Variants in POU6F2 observed in about 807,000 individuals in gnomAD.
POU6F2 encodes the protein POU domain, class 6, transcription factor 2.
In POU6F2, 31 loss-of-function variants were observed where a neutral mutation model predicts 71.3. That is an observed-to-expected ratio of 0.43 (90% confidence interval 0.33 to 0.59). POU6F2 has a LOEUF of 0.59. Ranked by LOEUF, POU6F2 falls within the 20% of genes least tolerant of loss-of-function variation. The pLI is 0.04. For synonymous variants in POU6F2, 347 were observed against 355.7 expected, an observed-to-expected ratio of 0.98 and a Z score of 0.27; for missense variants, 783 against 856.8, an observed-to-expected ratio of 0.91 and a Z score of 1.07.
At chr7:39,447,718 G>T (rs888462330) in intron 7 of POU6F2, among the ~76,000 whole-genome samples, 3 of 152,150 alleles carry the variant, frequency 2.0e-5, no homozygotes, top group African/African-American at 7.2e-5. Context: ...CTCCAGGAAG[G>T]AAAGGAAAGA....
At chr7:39,443,222 A>C (rs2237381) in intron 7 of POU6F2, among the ~76,000 whole-genome samples, 52,890 of 152,066 alleles carry the variant, frequency 0.35, 10,443 homozygotes, top group East Asian at 0.58. Flanking sequence ...CTGGAAAAAA[A>C]AGCCAGCTTC....
chr7:39,460,694 A>T lies in POU6F2; in HGVS notation c.1637A>T (p.Tyr546Phe). 1 of 1,604,392 alleles carries T rather than the reference A, an allele frequency of 6.2e-7. No individual in the cohort carries two copies. The highest frequency in any genetic ancestry group is 8.5e-7 in the Non-Finnish European group (1 of 1,175,144). Residue 546 changes from tyrosine (Y) to phenylalanine (F), a missense_variant, in exon 9 of 10, where the codon TAC (tyrosine) becomes TTC (phenylalanine). By Grantham distance (22) the Tyr-to-Phe change is conservative. Transcript: ENST00000518318. The surrounding 1 kb of genome is among the most constrained non-coding windows in gnomAD (Gnocchi z 4.4). ...CTCAGTGCTACAGAGGGCCCCGCGT[A>T]CAGCCAGTCGGCCATCTGCAGGTAA... ...QALSATEGPA[Y>F]SQSAICRHTI...
At chr7:39,409,794 C>T (rs746555711) in intron 6 of POU6F2, among the ~76,000 whole-genome samples, 12 of 152,206 alleles carry the variant, frequency 7.9e-5, no homozygotes, top group Non-Finnish European at 1.5e-4. Context: ...GGCAGTTTTG[C>T]TTCCCTATCT....
intron 1 of POU6F2, among the ~76,000 whole-genome samples, chr7:39,025,539 T>A (rs1470967321): frequency 1.3e-5 from 2 of 152,080 alleles, no homozygotes; most frequent in Non-Finnish European, 2.9e-5. Context: ...GAAAACTGGC[T>A]AGCCATATGT....
intron 4 of POU6F2, among the ~76,000 whole-genome samples, chr7:39,331,034 G>T (rs1785637935): frequency 2.0e-5 from 3 of 152,276 alleles, no homozygotes; most frequent in South Asian, 4.1e-4. Context: ...TGTGGTATTT[G>T]TCTTTTTGTG....
intron 5 of POU6F2, among the ~76,000 whole-genome samples, chr7:39,366,524 CTG>C (rs1452958492): frequency 3.3e-5 from 5 of 152,118 alleles, no homozygotes; most frequent in African/African-American, 1.2e-4. Context: ...AGCTTCTAAA[CTG>C]TGGTCTTCAA....
chr7:39,310,070 A>G lies in POU6F2; in HGVS notation c.599-29572A>G, dbSNP rs564681432. The stretch of plus-strand genomic sequence containing the variant: ...AAAAGCCTGCCGTAACCCCGCAAGA[A>G]GGCAAAGTTAAGGTTACTATTGGAG... On this transcript the variant is annotated intron_variant, in intron 4 of 9. Transcript: ENST00000518318. 4.6e-5 allele frequency among the ~76,000 whole-genome samples: 7 copies of G among 152,298 alleles called. No homozygotes were observed. The South Asian group carries it at 6.2e-4, about 14-fold the overall frequency.
chr7:39,441,266 TAC>T (rs902314550), intron 7 of POU6F2, among the ~76,000 whole-genome samples: 2 of 151,608 alleles, frequency 1.3e-5, no homozygotes, highest in African/African-American at 4.9e-5. Flanking sequence ...CTGATAGCAC[TAC>T]AGAGGTTGAA....
At chr7:39,002,899 T>G (rs1280745348) in intron 1 of POU6F2, among the ~76,000 whole-genome samples, 1 of 152,276 alleles carries the variant, frequency 6.6e-6, no homozygotes, top group Non-Finnish European at 1.5e-5. Flanking sequence ...CCTTTATGAT[T>G]TAGTATTAAT....
chr7:39,304,480 T>G (rs1785014196), intron 4 of POU6F2, among the ~76,000 whole-genome samples: 1 of 151,854 alleles, frequency 6.6e-6, no homozygotes, highest in African/African-American at 2.4e-5. Context: ...TATCACAAGA[T>G]CTCTCCAAAA....
intron 1 of POU6F2, among the ~76,000 whole-genome samples, chr7:39,046,810 C>T (rs770551646): frequency 1.3e-5 from 2 of 151,832 alleles, no homozygotes; most frequent in African/African-American, 2.4e-5. Context: ...AACCACTGTT[C>T]CAGAAGTTTT....
chr7:39,295,598 G>A (rs927560956), intron 4 of POU6F2, among the ~76,000 whole-genome samples: 3 of 152,206 alleles, frequency 2.0e-5, no homozygotes, highest in African/African-American at 4.8e-5. Context: ...CCTAGGAGAA[G>A]AAGTGAGACT....
chr7:39,344,474 A>G (rs1391601410), intron 5 of POU6F2, among the ~76,000 whole-genome samples: 1 of 152,156 alleles, frequency 6.6e-6, no homozygotes, highest in Non-Finnish European at 1.5e-5. Flanking sequence ...ACTTAGTACT[A>G]AGTTCCAAAG....
At chr7:39,160,177 C>T (rs1384514186) in intron 2 of POU6F2, among the ~76,000 whole-genome samples, 4 of 152,290 alleles carry the variant, frequency 2.6e-5, no homozygotes, top group African/African-American at 9.6e-5. Flanking sequence ...CATAGAGCTC[C>T]TAGCACACAG....
At position 39,396,551 on chromosome 7, in the gene POU6F2, G is replaced by C. The variant is rs1413630558; in HGVS notation, c.973-10049G>C. Among the ~76,000 whole-genome samples, 7 of 152,120 alleles carry C rather than the reference G, an allele frequency of 4.6e-5. No individual in the cohort carries two copies. The South Asian group carries it at 1.0e-3, about 23-fold the overall frequency. On this transcript the variant is annotated intron_variant, in intron 5 of 9. Transcript: ENST00000518318. Reference sequence around the variant, plus strand: ...CAAGTGCTCATGGAGAGTCCCCTCTGTCCACCTGCAATGAAGTCCAGGCTT... The same window carrying C: ...CAAGTGCTCATGGAGAGTCCCCTCTCTCCACCTGCAATGAAGTCCAGGCTT...
intron 1 of POU6F2, among the ~76,000 whole-genome samples, chr7:38,996,349 G>C (rs544139329): frequency 5.0e-4 from 76 of 152,084 alleles, no homozygotes; most frequent in African/African-American, 1.7e-3. Flanking sequence ...CTGGGGCTTG[G>C]CTTTTTTGAC....
At chr7:39,007,347 G>A (rs1172891212) in intron 1 of POU6F2, among the ~76,000 whole-genome samples, 1 of 152,160 alleles carries the variant, frequency 6.6e-6, no homozygotes, top group Non-Finnish European at 1.5e-5. Context: ...ATTTTGGGGG[G>A]AAGTTGGGTC....
At chr7:39,438,095 A>T (rs376848591) in intron 7 of POU6F2, among the ~76,000 whole-genome samples, 1 of 151,502 alleles carries the variant, frequency 6.6e-6, no homozygotes, top group African/African-American at 2.4e-5. Context: ...TCTCTCCCCC[A>T]TCCCCCTACC....
intron 4 of POU6F2, among the ~76,000 whole-genome samples, chr7:39,299,739 C>A (rs989045737): frequency 6.6e-6 from 1 of 152,178 alleles, no homozygotes; most frequent in African/African-American, 2.4e-5. Context: ...TGTTTCTGCA[C>A]GTGGGTCTTC....
Sources: allele counts gnomAD v4.1 joint callset (sites outside exome capture counted in the v4.1 genomes callset), GRCh38; gene constraint gnomAD v4.1.1; non-coding constraint Gnocchi (gnomAD v3.1); transcripts MANE v1.5; gene names NCBI Gene and HGNC (gene_info 2026-07-23, HGNC 2026-07-21).